PRRG1: variants seen among roughly 807,000 people sequenced by gnomAD.
PRRG1 encodes the protein proline rich and Gla domain 1.
A neutral mutation model predicts 11.8 loss-of-function variants in PRRG1; 5 were observed. The ratio of observed to expected loss-of-function variants is 0.42; its 90% CI spans 0.22 to 0.89. The LOEUF is 0.89. Ranked by LOEUF, PRRG1 falls within the 40% of genes least tolerant of loss-of-function variation. The pLI is 0.28. For missense variants in PRRG1, 155 were observed against 166.1 expected, an observed-to-expected ratio of 0.93 and a Z score of 0.37; for synonymous variants, 66 against 60.4, an observed-to-expected ratio of 1.09 and a Z score of -0.43.
intron 1 of PRRG1, among the ~76,000 whole-genome samples, chrX:37,379,057 T>G (rs1931072385): frequency 1.1e-5 from 1 of 94,876 alleles, no homozygotes; most frequent in Admixed American, 1.1e-4. Flanking sequence ...TTTTTTTTTT[T>G]TAGCATGGGA....
At chrX:37,361,177 C>A (rs1556367496) in intron 1 of PRRG1, among the ~76,000 whole-genome samples, 1 of 111,062 alleles carries the variant, frequency 9.0e-6, no homozygotes, top group Non-Finnish European at 1.9e-5. Context: ...TGCATCTCTA[C>A]TAAAAATACA....
chrX:37,431,799 G>A (rs782151822), intron 3 of PRRG1, among the ~76,000 whole-genome samples: 3 of 111,124 alleles, frequency 2.7e-5, no homozygotes, highest in Non-Finnish European at 5.7e-5. Context: ...ACAGATTCTC[G>A]CTCTGTTGCC....
At chrX:37,410,935 CA>C (rs1932333324) in intron 2 of PRRG1, among the ~76,000 whole-genome samples, 1 of 111,778 alleles carries the variant, frequency 8.9e-6, no homozygotes, top group Admixed American at 9.5e-5. Flanking sequence ...CAAAAATGAA[CA>C]GCAGGTATAA....
rs185016444 is a variant in PRRG1, at chrX:37,455,400, T to C, written c.*1779T>C. On this transcript the variant is annotated 3_prime_UTR_variant, in exon 4 of 4. Coordinates refer to ENST00000378628, the MANE Select transcript of PRRG1 (RefSeq NM_001142395.2). ...TTATTATTGTGCTTCATGGAGAATT[T>C]TCCCCTCTGTTTTCCTAAATTGTAT... The C allele has an allele frequency of 1.1e-4, 12 of 112,402 alleles. No individual in the cohort carries two copies. In the East Asian group the frequency reaches 3.3e-3, roughly 31 times the overall value. 9.3% of individuals were successfully genotyped at this position (112,402 alleles called of 1,213,427 possible). A position where few individuals can be genotyped will look rare whatever the true frequency, so the allele number is the denominator to read the frequency against.
intron 1 of PRRG1, among the ~76,000 whole-genome samples, chrX:37,358,938 T>A (rs952872076): frequency 1.8e-5 from 2 of 111,753 alleles, no homozygotes; most frequent in Non-Finnish European, 3.8e-5. Flanking sequence ...ATCGCTGATA[T>A]ATAGGAAAAG....
chrX:37,416,694 G>C (rs1556385280), intron 2 of PRRG1, among the ~76,000 whole-genome samples: 1 of 112,090 alleles, frequency 8.9e-6, no homozygotes, highest in East Asian at 2.8e-4. Context: ...TTGGGAGCAA[G>C]GCATTGCTCT....
At chrX:37,360,687 C>G (rs1397670247) in intron 1 of PRRG1, among the ~76,000 whole-genome samples, 1 of 112,322 alleles carries the variant, frequency 8.9e-6, no homozygotes, top group Non-Finnish European at 1.9e-5. Flanking sequence ...ATGGTACTAT[C>G]AAAGCTGTTG....
chrX:37,441,851 G>T, intron 3 of PRRG1: 1 of 782,535 alleles, frequency 1.3e-6, no homozygotes, highest in South Asian at 6.0e-5. Context: ...CTGGAGAAGA[G>T]TGTCAACCAG....
At chrX:37,449,778 G>A (rs1921050484) in intron 3 of PRRG1, among the ~76,000 whole-genome samples, 1 of 112,447 alleles carries the variant, frequency 8.9e-6, no homozygotes, top group African/African-American at 3.2e-5. Flanking sequence ...ACATACATTT[G>A]TGCCACATTA....
At chrX:37,356,577 G>C (rs1930241044) in intron 1 of PRRG1, among the ~76,000 whole-genome samples, 1 of 110,310 alleles carries the variant, frequency 9.1e-6, no homozygotes, top group African/African-American at 3.3e-5. Context: ...TTTTTGAATG[G>C]GGAGATCAAG....
chrX:37,452,703 C>G (rs1921189286), intron 3 of PRRG1, among the ~76,000 whole-genome samples: 1 of 111,961 alleles, frequency 8.9e-6, no homozygotes, highest in African/African-American at 3.2e-5. Flanking sequence ...TGAAAGACTA[C>G]AACTGCCTAA....
chrX:37,453,808 C>T lies in PRRG1; in HGVS notation c.*187C>T. On this transcript the variant is annotated 3_prime_UTR_variant, in exon 4 of 4. Coordinates refer to ENST00000378628, the MANE Select transcript of PRRG1 (RefSeq NM_001142395.2). ...GAATCATTATCCATGCTCATTTTTG[C>T]TAGGGGAAATATATGAAGAGGGAAA... is the stretch of plus-strand genomic sequence containing the variant. The T allele has an allele frequency of 4.2e-6, 2 of 479,834 alleles. No individual in the cohort carries two copies. The highest frequency in any genetic ancestry group is 6.4e-6 in the Non-Finnish European group (2 of 313,571). The allele number at this position is 479,834 out of a possible 1,213,427, so 39.5% of individuals were successfully genotyped here. A position where few individuals can be genotyped will look rare whatever the true frequency, so the allele number is the denominator to read the frequency against.
intron 3 of PRRG1, chrX:37,442,027 T>A (rs1932990425): frequency 3.9e-6 from 3 of 772,146 alleles, no homozygotes; most frequent in Non-Finnish European, 4.7e-6. Flanking sequence ...CCTGGCAGAG[T>A]ACCTGTTTGA....
At chrX:37,351,370 C>T (rs1556364819) in intron 1 of PRRG1, among the ~76,000 whole-genome samples, 1 of 110,000 alleles carries the variant, frequency 9.1e-6, no homozygotes, top group African/African-American at 3.3e-5. Flanking sequence ...TGGTGGGCGC[C>T]TGTAGTCCCA....
At chrX:37,452,346 A>G (rs1259916337) in intron 3 of PRRG1, among the ~76,000 whole-genome samples, 3 of 112,284 alleles carry the variant, frequency 2.7e-5, no homozygotes, top group Non-Finnish European at 5.6e-5. Flanking sequence ...ATACCATTTT[A>G]CAAGTGAGGA....
chrX:37,433,371 C>T (rs1426145943), intron 3 of PRRG1, among the ~76,000 whole-genome samples: 5 of 111,848 alleles, frequency 4.5e-5, no homozygotes, highest in Admixed American at 9.5e-5. Context: ...CATACACAGA[C>T]AGCACGTGAC....
chrX:37,393,747 C>T (rs1363316863), intron 1 of PRRG1, among the ~76,000 whole-genome samples: 1 of 112,206 alleles, frequency 8.9e-6, no homozygotes, highest in Non-Finnish European at 1.9e-5. Flanking sequence ...TCTATTAGGG[C>T]AGGGATCGCA....
chrX:37,398,507 T>G (rs1375401518), intron 1 of PRRG1, among the ~76,000 whole-genome samples: 7 of 110,728 alleles, frequency 6.3e-5, no homozygotes, highest in Non-Finnish European at 1.1e-4. Context: ...AGACCAAAAG[T>G]AGATAAAACC....
At chrX:37,428,927 G>T (rs1385195713) in intron 3 of PRRG1, among the ~76,000 whole-genome samples, 3 of 112,671 alleles carry the variant, frequency 2.7e-5, no homozygotes, top group Admixed American at 9.3e-5. Flanking sequence ...CTGTGCACCT[G>T]CAGGCTCAAC....
Sources: allele counts gnomAD v4.1 joint callset (sites outside exome capture counted in the v4.1 genomes callset), GRCh38; gene constraint gnomAD v4.1.1; transcripts MANE v1.5; gene names NCBI Gene and HGNC (gene_info 2026-07-23, HGNC 2026-07-21).